Variants in CLIC2 observed in about 807,000 individuals in gnomAD.
CLIC2 encodes CLIC family member 2, also known as chloride intracellular channel protein 2.
In CLIC2, 9 loss-of-function variants were observed where a neutral mutation model predicts 14.8. The ratio of observed to expected loss-of-function variants is 0.61; its 90% CI spans 0.37 to 1.06. The LOEUF is 1.06. Ranked by LOEUF, CLIC2 falls within the 50% of genes least tolerant of loss-of-function variation. CLIC2 has a pLI of 0.01. For missense variants in CLIC2, 148 were observed against 181.4 expected, an observed-to-expected ratio of 0.82 and a Z score of 1.06; for synonymous variants, 61 against 66.3, an observed-to-expected ratio of 0.92 and a Z score of 0.39.
chrX:155,321,011 A>G (rs1557321552), intron 1 of CLIC2, among the ~76,000 whole-genome samples: 1 of 111,986 alleles, frequency 8.9e-6, no homozygotes, highest in Non-Finnish European at 1.9e-5. Context: ...ACAAGATTAG[A>G]GAAAAAAGAA....
chrX:155,280,068 C>T lies in CLIC2; in HGVS notation c.294G>A (p.Arg98=), dbSNP rs1965175901. ...EFLEQTLAPP[R]YPHLSPKYKE... is the part of the protein sequence containing the mutation. ...TGTACTTGGGACTCAGGTGAGGGTA[C>T]CTTAAAAAGAAACATGCGTCAACTA... The change falls in exon 4 of 6, where the codon AGG becomes AGA. Residue 98 remains arginine, a splice_region_variant and synonymous_variant. Transcript: ENST00000369449. 1.7e-6 allele frequency: 2 copies of T among 1,168,856 alleles called. No homozygotes were observed. Among genetic ancestry groups the T allele is most frequent in the Non-Finnish European group, 2.3e-6 (2 of 856,519 alleles).
In CLIC2 at chrX:155,333,808, C is replaced by G. The variant is rs781789595; in HGVS notation, c.57+563G>C. On this transcript the variant is annotated intron_variant, in intron 1 of 5. Coordinates refer to ENST00000369449, the MANE Select transcript of CLIC2 (RefSeq NM_001289.6). ...CTAAAATGTCCCCCTCCTCACATAA[C>G]AAGCACACAGACTCCTGTTTTTTTT... Among the ~76,000 whole-genome samples the G allele has an allele frequency of 6.0e-4, 65 of 109,241 alleles. 1 individual carries two copies. Among genetic ancestry groups the G allele is most frequent in the Non-Finnish European group, 1.1e-3 (58 of 52,411 alleles). 94.9% of individuals were successfully genotyped at this position (109,241 alleles called of 115,157 possible).
chrX:155,309,673 G>C (rs781855127), intron 1 of CLIC2: 1 of 168,543 alleles, frequency 5.9e-6, no homozygotes, highest in Admixed American at 6.9e-5. Context: ...AAGTGAAAGG[G>C]GCCCTTATAA....
intron 3 of CLIC2, chrX:155,292,938 C>T: frequency 9.3e-7 from 1 of 1,069,883 alleles, no homozygotes; most frequent in Non-Finnish European, 1.3e-6. Context: ...GAACAAAGGT[C>T]AGTTCTTACC....
intron 3 of CLIC2, 33 bp downstream of exon 3, chrX:155,298,752 C>G (rs372701786): frequency 5.0e-6 from 6 of 1,202,366 alleles, no homozygotes; most frequent in Non-Finnish European, 6.7e-6. Flanking sequence ...AATAGATTAT[C>G]TTCAGCAAAA....
At chrX:155,333,266 T>C (rs782329577) in intron 1 of CLIC2, among the ~76,000 whole-genome samples, 65 of 111,637 alleles carry the variant, frequency 5.8e-4, no homozygotes, top group African/African-American at 2.1e-3. Flanking sequence ...TGTATAGTTT[T>C]AGAGGCAAGT....
At chrX:155,284,175 T>C (rs1197451952) in intron 3 of CLIC2, among the ~76,000 whole-genome samples, 4 of 110,759 alleles carry the variant, frequency 3.6e-5, no homozygotes, top group African/African-American at 9.8e-5. Flanking sequence ...TCTTCTATAG[T>C]CCTCAGAATA....
intron 3 of CLIC2, chrX:155,292,731 C>T (rs868933941): frequency 2.4e-6 from 1 of 419,537 alleles, no homozygotes; most frequent in African/African-American, 2.6e-5. Context: ...GATCGCGCCA[C>T]TGCACTCCAG....
At chrX:155,305,500 G>C (rs1275051178) in intron 1 of CLIC2, among the ~76,000 whole-genome samples, 1 of 111,978 alleles carries the variant, frequency 8.9e-6, no homozygotes, top group Non-Finnish European at 1.9e-5. Flanking sequence ...GATGAACCCG[G>C]TACCTCAGAT....
At chrX:155,281,799 T>C (rs1213456920) in intron 3 of CLIC2, among the ~76,000 whole-genome samples, 7 of 111,464 alleles carry the variant, frequency 6.3e-5, no homozygotes, top group African/African-American at 2.3e-4. Flanking sequence ...GTAAGTCATG[T>C]CATGTCTTTC....
At chrX:155,318,788 T>C (rs1234402276) in intron 1 of CLIC2, among the ~76,000 whole-genome samples, 1 of 111,906 alleles carries the variant, frequency 8.9e-6, no homozygotes, top group African/African-American at 3.2e-5. Context: ...TCTGGAGGCA[T>C]CTCATTACCC....
intron 3 of CLIC2, among the ~76,000 whole-genome samples, chrX:155,280,789 G>T (rs180814215): frequency 1.4e-3 from 159 of 110,361 alleles, no homozygotes; most frequent in Non-Finnish European, 2.4e-3. Flanking sequence ...GAAAAAAGTA[G>T]CCAATATAAT....
chrX:155,321,141 C>T (rs1030866017), intron 1 of CLIC2, among the ~76,000 whole-genome samples: 3 of 112,033 alleles, frequency 2.7e-5, no homozygotes, highest in African/African-American at 9.7e-5. Flanking sequence ...AAACACTCTT[C>T]AGGATATTAT....
At chrX:155,304,303 C>A (rs2075036063) in intron 1 of CLIC2, among the ~76,000 whole-genome samples, 1 of 98,544 alleles carries the variant, frequency 1.0e-5, no homozygotes, top group African/African-American at 3.7e-5. Context: ...TTTCTCTAAA[C>A]TTCCCTTCTC....
chrX:155,303,710 G>A (rs1385296096), intron 1 of CLIC2, among the ~76,000 whole-genome samples: 41 of 69,160 alleles, frequency 5.9e-4, no homozygotes, highest in South Asian at 9.6e-4. Flanking sequence ...ATTTTGCAGC[G>A]GCTGGTACCG....
intron 1 of CLIC2, among the ~76,000 whole-genome samples, chrX:155,303,038 GA>G (rs1337988669): frequency 2.3e-5 from 2 of 88,280 alleles, no homozygotes; most frequent in Non-Finnish European, 4.6e-5. Context: ...GTGTGGTGCT[GA>G]AAAAAATGTA....
chrX:155,323,430 C>A (rs1329657232), intron 1 of CLIC2, among the ~76,000 whole-genome samples: 1 of 111,978 alleles, frequency 8.9e-6, no homozygotes, highest in Admixed American at 9.5e-5. Flanking sequence ...ATGACAAAAA[C>A]CACATTATTG....
At chrX:155,316,237 A>G (rs189895123) in intron 1 of CLIC2, among the ~76,000 whole-genome samples, 59 of 112,046 alleles carry the variant, frequency 5.3e-4, no homozygotes, top group African/African-American at 1.8e-3. Context: ...TAAACCATCA[A>G]CTTAAACTAT....
chrX:155,306,498 G>C (rs1482928382), intron 1 of CLIC2, among the ~76,000 whole-genome samples: 1 of 110,947 alleles, frequency 9.0e-6, no homozygotes, highest in African/African-American at 3.3e-5. Context: ...TTTTTTTATA[G>C]TATTGCAAAC....
Sources: gnomAD v4.1 joint callset for allele counts (sites outside exome capture counted in the v4.1 genomes callset) on GRCh38, gnomAD v4.1.1 for gene constraint, MANE v1.5 for transcripts, NCBI Gene and HGNC (gene_info 2026-07-23, HGNC 2026-07-21) for gene names.